Variants in RALYL observed in about 807,000 individuals in gnomAD.
RALYL encodes the protein RALY RNA binding protein like.
In RALYL, 29 loss-of-function variants were observed where a neutral mutation model predicts 35.1. That is an observed-to-expected ratio of 0.83 (90% CI 0.61 to 1.13). RALYL has a LOEUF of 1.13. Among genes scored for constraint, RALYL ranks in the 50% most tolerant of loss-of-function variants. The pLI, the probability that RALYL is intolerant of heterozygous loss-of-function variation, is 0.00. For missense variants in RALYL, 359 were observed against 360.4 expected, an observed-to-expected ratio of 1.00 and a Z score of 0.03; for synonymous variants, 120 against 127.6, an observed-to-expected ratio of 0.94 and a Z score of 0.40.
intron 1 of RALYL, among the ~76,000 whole-genome samples, chr8:84,190,165 G>A (rs771400763): frequency 6.6e-6 from 1 of 152,166 alleles, no homozygotes; most frequent in Non-Finnish European, 1.5e-5. Context: ...AAGCTGAACA[G>A]CTAATTCTTT....
At chr8:84,582,014 A>G (rs1303188792) in intron 2 of RALYL, among the ~76,000 whole-genome samples, 1 of 152,150 alleles carries the variant, frequency 6.6e-6, no homozygotes. Context: ...GTCCAGATTG[A>G]CAATAATAAT....
chr8:84,424,013 T>G (rs2046019328), intron 1 of RALYL, among the ~76,000 whole-genome samples: 1 of 151,976 alleles, frequency 6.6e-6, no homozygotes, highest in South Asian at 2.1e-4. Flanking sequence ...TTGGTGAATC[T>G]GACAATTATG....
At chr8:84,455,762 T>A (rs920465146) in intron 1 of RALYL, among the ~76,000 whole-genome samples, 2 of 152,044 alleles carry the variant, frequency 1.3e-5, no homozygotes, top group African/African-American at 2.4e-5. Context: ...GCTGAAATAA[T>A]CCTTAAGTCC....
intron 1 of RALYL, among the ~76,000 whole-genome samples, chr8:84,431,266 G>T (rs1037542157): frequency 3.9e-5 from 6 of 152,146 alleles, no homozygotes; most frequent in African/African-American, 1.4e-4. Context: ...GTCAGAACCA[G>T]TGCTGGAAGC....
chr8:84,508,107 G>C (rs1434085495), intron 1 of RALYL, among the ~76,000 whole-genome samples: 1 of 152,024 alleles, frequency 6.6e-6, no homozygotes, highest in Admixed American at 6.6e-5. Flanking sequence ...CACATGTAAA[G>C]GTCTTACAGT....
chr8:84,798,024 C>T (rs1414130944), intron 3 of RALYL, among the ~76,000 whole-genome samples: 1 of 152,162 alleles, frequency 6.6e-6, no homozygotes, highest in East Asian at 1.9e-4. Flanking sequence ...TTTGCTTCTA[C>T]ACATCTAAGG....
chr8:84,460,529 A>G (rs1175660968), intron 1 of RALYL, among the ~76,000 whole-genome samples: 2 of 151,760 alleles, frequency 1.3e-5, no homozygotes, highest in Non-Finnish European at 3.0e-5. Context: ...GTTCTTCAAG[A>G]TACAAGGTTA....
chr8:84,906,180 TGCCAAATA>T (rs1203812130), intron 8 of RALYL, among the ~76,000 whole-genome samples: 1 of 152,154 alleles, frequency 6.6e-6, no homozygotes, highest in Non-Finnish European at 1.5e-5. Flanking sequence ...GTATTTTATC[TGCCAAATA>T]GCTAGAAATT....
chr8:84,603,779 G>T (rs968879089), intron 2 of RALYL, among the ~76,000 whole-genome samples: 1 of 152,106 alleles, frequency 6.6e-6, no homozygotes, highest in Non-Finnish European at 1.5e-5. Context: ...AGATATGTTG[G>T]TGTTGTTATG....
intron 3 of RALYL, among the ~76,000 whole-genome samples, chr8:84,777,544 G>A (rs1817120935): frequency 6.6e-6 from 1 of 152,190 alleles, no homozygotes; most frequent in Non-Finnish European, 1.5e-5. Context: ...TGAGGTAAAA[G>A]CATTTAGTTC....
intron 2 of RALYL, among the ~76,000 whole-genome samples, chr8:84,561,185 T>G (rs934486184): frequency 5.9e-5 from 9 of 152,186 alleles, no homozygotes; most frequent in African/African-American, 2.2e-4. Flanking sequence ...CCTACTACAT[T>G]TTCTTCTATA....
chr8:84,541,962 C>A (rs1167876394), intron 2 of RALYL, among the ~76,000 whole-genome samples: 1 of 152,016 alleles, frequency 6.6e-6, no homozygotes, highest in Non-Finnish European at 1.5e-5. Context: ...AGTGTTCTTG[C>A]AAGGAACATA....
intron 2 of RALYL, among the ~76,000 whole-genome samples, chr8:84,720,565 T>C (rs1175760394): frequency 1.3e-5 from 2 of 152,164 alleles, no homozygotes; most frequent in Non-Finnish European, 2.9e-5. Flanking sequence ...AAATGCCTTA[T>C]GGCATTGGTC....
At chr8:84,685,454 A>G (rs1049337451) in intron 2 of RALYL, among the ~76,000 whole-genome samples, 1 of 151,984 alleles carries the variant, frequency 6.6e-6, no homozygotes, top group Non-Finnish European at 1.5e-5. Flanking sequence ...CCTCCTCAGC[A>G]CTATTCAGCT....
chr8:84,429,518 C>T (rs944318239), intron 1 of RALYL, among the ~76,000 whole-genome samples: 7 of 151,930 alleles, frequency 4.6e-5, no homozygotes, highest in African/African-American at 1.7e-4. Context: ...CCCAAGTCCA[C>T]ATTATATTTT....
chr8:84,422,157 G>A (rs1461490183), intron 1 of RALYL, among the ~76,000 whole-genome samples: 19 of 138,202 alleles, frequency 1.4e-4, no homozygotes, highest in South Asian at 7.5e-4. Context: ...GGTAGAATTC[G>A]GCTGTGAATC....
intron 8 of RALYL, among the ~76,000 whole-genome samples, chr8:84,892,438 C>T (rs1367050065): frequency 6.6e-6 from 1 of 151,814 alleles, no homozygotes; most frequent in African/African-American, 2.4e-5. Context: ...GGTGAAACTT[C>T]ATCTCTACTA....
chr8:84,241,038 A>G (rs1250645107), intron 1 of RALYL, among the ~76,000 whole-genome samples: 2 of 151,966 alleles, frequency 1.3e-5, no homozygotes, highest in Non-Finnish European at 2.9e-5. Flanking sequence ...TCATTTCTAA[A>G]TATATATACT....
intron 4 of RALYL, among the ~76,000 whole-genome samples, chr8:84,828,048 G>A (rs1830079898): frequency 6.6e-6 from 1 of 151,952 alleles, no homozygotes; most frequent in Non-Finnish European, 1.5e-5. Flanking sequence ...CAGGTTGTTT[G>A]TCCATAATAG....
Sources: gnomAD v4.1 joint callset for allele counts (sites outside exome capture counted in the v4.1 genomes callset) on GRCh38, gnomAD v4.1.1 for gene constraint, MANE v1.5 for transcripts, NCBI Gene and HGNC (gene_info 2026-07-23, HGNC 2026-07-21) for gene names.